The following NIM1K variants were observed in gnomAD, a reference collection of about 807,000 sequenced individuals.
The protein encoded by NIM1K is NIM1 serine/threonine protein kinase, also known as serine/threonine-protein kinase NIM1.
In NIM1K, 35 loss-of-function variants were observed where a neutral mutation model predicts 37.1. That is an observed-to-expected ratio of 0.94 (90% CI 0.72 to 1.25). The LOEUF (loss-of-function observed/expected upper bound fraction) is 1.25, where lower values mean the gene tolerates loss of function less well. Ranked by LOEUF, NIM1K falls within the 50% of genes most tolerant of loss-of-function variation. The pLI is 0.00. For synonymous variants in NIM1K, 234 were observed against 206.6 expected (o/e 1.13, Z -1.14); for missense variants, 564 against 548.0 (o/e 1.03, Z -0.29).
At chr5:43,242,114 A>C (rs772203961) in intron 1 of NIM1K, among the ~76,000 whole-genome samples, 17 of 152,060 alleles carry the variant, frequency 1.1e-4, no homozygotes, top group Non-Finnish European at 2.4e-4. Context: ...AATTGGTTCA[A>C]GACCGTTTTG....
At chr5:43,266,771 T>A (rs1288903888) in intron 2 of NIM1K, among the ~76,000 whole-genome samples, 1 of 152,244 alleles carries the variant, frequency 6.6e-6, no homozygotes, top group South Asian at 2.1e-4. Context: ...TTGCGTATGT[T>A]AAATCTTCCC....
chr5:43,274,004 A>G (rs1051216958), intron 2 of NIM1K, among the ~76,000 whole-genome samples: 5 of 152,218 alleles, frequency 3.3e-5, no homozygotes, highest in Non-Finnish European at 5.9e-5. Context: ...ATGGAATAGC[A>G]GTTTCTACCA....
In NIM1K at chr5:43,251,653, G is replaced by A. The variant is rs560380255; in HGVS notation, c.292+5586G>A. The stretch of plus-strand genomic sequence containing the variant: ...TTTGATCTTCACTTTCTCTGGGGCT[G>A]TGTGCTTTCTCATTTCTACTTTTCT... On this transcript the variant is annotated intron_variant, in intron 2 of 3. Transcript: ENST00000326035. 5.9e-5 allele frequency among the ~76,000 whole-genome samples: 9 copies of A among 152,298 alleles called. No individual in the cohort carries two copies. In the South Asian group the frequency reaches 1.9e-3, roughly 32 times the overall value.
At chr5:43,212,484 G>A (rs1233737909) in intron 1 of NIM1K, among the ~76,000 whole-genome samples, 1 of 151,624 alleles carries the variant, frequency 6.6e-6, no homozygotes, top group African/African-American at 2.4e-5. Flanking sequence ...GAGTCAGCCT[G>A]TAACATACCA....
chr5:43,266,991 T>C (rs1172354788), intron 2 of NIM1K, among the ~76,000 whole-genome samples: 1 of 152,210 alleles, frequency 6.6e-6, no homozygotes, highest in Non-Finnish European at 1.5e-5. Flanking sequence ...ATTTTCTCTT[T>C]CTCAATCTTT....
chr5:43,252,962 T>G (rs995369564), intron 2 of NIM1K, among the ~76,000 whole-genome samples: 1 of 150,920 alleles, frequency 6.6e-6, no homozygotes, highest in Non-Finnish European at 1.5e-5. Flanking sequence ...TAATTCATTC[T>G]TTCCTTCCTT....
intron 1 of NIM1K, among the ~76,000 whole-genome samples, chr5:43,229,319 G>C (rs1296644336): frequency 6.8e-6 from 1 of 147,126 alleles, no homozygotes; most frequent in East Asian, 2.0e-4. Context: ...GGGAGGTGGA[G>C]GTTGCAGTGA....
chr5:43,195,519 G>T (rs1038870413), intron 1 of NIM1K, among the ~76,000 whole-genome samples: 2 of 152,024 alleles, frequency 1.3e-5, no homozygotes, highest in African/African-American at 4.8e-5. Context: ...AATTAGCTGG[G>T]TGTGGTGGTG....
At chr5:43,234,596 C>T (rs752354975) in intron 1 of NIM1K, among the ~76,000 whole-genome samples, 1 of 152,062 alleles carries the variant, frequency 6.6e-6, no homozygotes. Flanking sequence ...GAAGACCAGC[C>T]TGGCCAACAT....
At chr5:43,202,986 A>G (rs867551699) in intron 1 of NIM1K, among the ~76,000 whole-genome samples, 4 of 151,988 alleles carry the variant, frequency 2.6e-5, no homozygotes, top group African/African-American at 7.3e-5. Flanking sequence ...TCTAGACACA[A>G]TCTATTGCTG....
chr5:43,196,991 G>T lies in NIM1K; in HGVS notation c.-695+4580G>T, dbSNP rs1403312978. Among the ~76,000 whole-genome samples the T allele has an allele frequency of 3.1e-5, 3 of 98,004 alleles. No individual in the cohort carries two copies. The Admixed American group carries it at 4.5e-4, about 15-fold the overall frequency. 64.3% of individuals were successfully genotyped at this position (98,004 alleles called of 152,430 possible). The stretch of plus-strand genomic sequence containing the variant: ...GGTAAAGACAAGGTTTCACTATGTT[G>T]CCCAGCCTGGTCTCAAACTCCTGGG... On this transcript the variant is annotated intron_variant, in intron 1 of 3. Coordinates refer to ENST00000326035, the MANE Select transcript of NIM1K (RefSeq NM_153361.4).
intron 2 of NIM1K, among the ~76,000 whole-genome samples, chr5:43,256,156 A>G (rs973249439): frequency 6.6e-6 from 1 of 152,138 alleles, no homozygotes; most frequent in African/African-American, 2.4e-5. Context: ...GGGGAGTGAC[A>G]TGATCTGGCT....
intron 1 of NIM1K, among the ~76,000 whole-genome samples, chr5:43,222,593 G>A (rs889373084): frequency 4.6e-5 from 7 of 152,048 alleles, no homozygotes; most frequent in African/African-American, 1.5e-4. Flanking sequence ...AACTAGCCGA[G>A]CATGGTGGTG....
chr5:43,232,535 A>G (rs10056788), intron 1 of NIM1K: 51,387 of 1,574,914 alleles, frequency 0.033, 2,136 homozygotes, highest in African/African-American at 0.2. Context: ...GTTCTATGCC[A>G]GATATCATAA....
rs977626792 is a variant in NIM1K, at chr5:43,219,512, A to C, written c.-694-25570A>C. On this transcript the variant is annotated intron_variant, in intron 1 of 3. Transcript: ENST00000326035. ...CACCTCAGCCTCCCAAAGTGCTGGG[A>C]TTGCTGATGTGAGCCACCATACCTG... Among the ~76,000 whole-genome samples the C allele has an allele frequency of 2.6e-5, 4 of 152,106 alleles. 1 individual carries two copies. The highest frequency in any genetic ancestry group is 9.7e-5 in the African/African-American group (4 of 41,412).
chr5:43,264,997 C>G (rs565204926), intron 2 of NIM1K, among the ~76,000 whole-genome samples: 1 of 152,332 alleles, frequency 6.6e-6, no homozygotes, highest in South Asian at 2.1e-4. Context: ...TGCTGTTAGT[C>G]TGATGGGCTT....
chr5:43,198,166 TC>T (rs1751948131), intron 1 of NIM1K, among the ~76,000 whole-genome samples: 1 of 52,628 alleles, frequency 1.9e-5, no homozygotes, highest in Non-Finnish European at 3.9e-5. Context: ...TTTCTTTCTT[TC>T]TTTCTTTCTT....
Position 43,201,973 on chromosome 5 carries a change from CAA to C in NIM1K, c.-695+9578_-695+9579del, listed in dbSNP as rs1233857895. On this transcript the variant is annotated intron_variant, in intron 1 of 3. Transcript: ENST00000326035. ...ACTCCCTCTGAGCGAGACTCCCTCT[CAA>C]AAAAAAAAAAAAAAAGAAAGATATT... is the stretch of plus-strand genomic sequence containing the variant. 3.8e-4 allele frequency among the ~76,000 whole-genome samples: 34 copies of C among 88,978 alleles called. 1 individual carries two copies. Among genetic ancestry groups the C allele is most frequent in the South Asian group, 1.7e-3 (5 of 2,940 alleles). The allele number at this position is 88,978 out of a possible 152,430, so 58.4% of individuals were successfully genotyped here.
chr5:43,235,835 C>A (rs565107017), intron 1 of NIM1K, among the ~76,000 whole-genome samples: 6 of 151,672 alleles, frequency 4.0e-5, no homozygotes, highest in African/African-American at 1.5e-4. Context: ...ATGAACTATT[C>A]CCTCCCCATC....
Sources: allele counts gnomAD v4.1 joint callset (sites outside exome capture counted in the v4.1 genomes callset), GRCh38; gene constraint gnomAD v4.1.1; transcripts MANE v1.5; gene names NCBI Gene and HGNC (gene_info 2026-07-23, HGNC 2026-07-21).